SANBR: variants seen among roughly 807,000 people sequenced by gnomAD.
SANBR encodes the protein SANT and BTB domain regulator of CSR.
Under a neutral mutation model 101.8 loss-of-function variants are expected in SANBR, and 77 were observed. The ratio of observed to expected loss-of-function variants is 0.76; its 90% CI spans 0.63 to 0.91. The LOEUF (loss-of-function observed/expected upper bound fraction) is 0.91. SANBR is among the 40% of genes least tolerant of loss of function. The pLI is 0.00. For missense variants in SANBR, 875 were observed against 853.0 expected (o/e 1.03, Z -0.32); for synonymous variants, 279 against 274.7 (o/e 1.02, Z -0.15).
Position 61,088,177 on chromosome 2 carries a change from G to A in SANBR, c.909G>A (p.Lys303=). 2 of 1,603,406 alleles carry A rather than the reference G, an allele frequency of 1.2e-6. No individual in the cohort carries two copies. The highest frequency in any genetic ancestry group is 1.7e-6 in the Non-Finnish European group (2 of 1,176,622). The change falls in exon 9 of 22, where the codon AAG becomes AAA. Residue 303 remains lysine, a synonymous_variant. Transcript: ENST00000402291. The part of the protein sequence containing the change: ...DKFKSKLFCK[K]IERLFDPEYL... ...TTAATAGCAAACTTTTTTGTAAGAAGATTGAAAGACTGTTTGATCCTGAGT... is the reference window on the plus strand; with the variant it reads ...TTAATAGCAAACTTTTTTGTAAGAAAATTGAAAGACTGTTTGATCCTGAGT...
In SANBR at chr2:61,088,215, A is replaced by T; in HGVS notation, c.947A>T (p.Asp316Val). The T allele has an allele frequency of 6.2e-7, 1 of 1,609,992 alleles. No homozygotes were observed. The highest frequency in any genetic ancestry group is 8.5e-7 in the Non-Finnish European group (1 of 1,178,792). Reference protein sequence around the residue: ...RLFDPEYLNPDSRSNAATLYR... With the variant: ...RLFDPEYLNPVSRSNAATLYR... ...TTTGATCCTGAGTACTTGAATCCAG[A>T]TTCTCGGAGTAATGCAGCAACATTG... Residue 316 changes from aspartate (D) to valine (V), a missense_variant, in exon 9 of 22, where the codon GAT (aspartate) becomes GTT (valine). Coordinates refer to ENST00000402291, the MANE Select transcript of SANBR (RefSeq NM_001129993.3).
intron 5 of SANBR, among the ~76,000 whole-genome samples, chr2:61,075,865 T>G (rs1280729441): frequency 1.3e-5 from 2 of 152,080 alleles, no homozygotes; most frequent in African/African-American, 4.8e-5. Flanking sequence ...AATTTTAGTA[T>G]TTAATGATAA....
intron 21 of SANBR, among the ~76,000 whole-genome samples, chr2:61,134,785 T>C (rs900580485): frequency 6.6e-6 from 1 of 151,838 alleles, no homozygotes; most frequent in Non-Finnish European, 1.5e-5. Context: ...TCCCAGCTAC[T>C]TGGGAGGCTG....
At chr2:61,102,688 C>A (rs936987085) in intron 12 of SANBR, among the ~76,000 whole-genome samples, 1 of 151,966 alleles carries the variant, frequency 6.6e-6, no homozygotes, top group Non-Finnish European at 1.5e-5. Context: ...AGGTGCGTGC[C>A]ACCATGCCTG....
chr2:61,078,066 G>T (rs1191603193), intron 6 of SANBR, among the ~76,000 whole-genome samples: 1 of 152,182 alleles, frequency 6.6e-6, no homozygotes, highest in Non-Finnish European at 1.5e-5. Flanking sequence ...TCATATTAAT[G>T]AATGTGATTT....
intron 12 of SANBR, among the ~76,000 whole-genome samples, chr2:61,102,946 T>G (rs907730082): frequency 2.0e-5 from 3 of 152,100 alleles, no homozygotes; most frequent in Non-Finnish European, 2.9e-5. Context: ...TGAGCACTTG[T>G]GTACTGAGAA....
chr2:61,105,459 C>T (rs1368119574), intron 13 of SANBR, among the ~76,000 whole-genome samples: 4 of 151,322 alleles, frequency 2.6e-5, no homozygotes, highest in Admixed American at 1.3e-4. Context: ...CTCTGCCTCC[C>T]GGGTTCACGC....
At chr2:61,133,574 G>GGTTGT (rs1684753973) in intron 20 of SANBR, among the ~76,000 whole-genome samples, 2 of 152,014 alleles carry the variant, frequency 1.3e-5, no homozygotes, top group African/African-American at 2.4e-5. Flanking sequence ...GCAACATACC[G>GGTTGT]AGACCCTATC....
chr2:61,124,768 G>A (rs948572563), downstream of SANBR, among the ~76,000 whole-genome samples: 13 of 151,900 alleles, frequency 8.6e-5, no homozygotes, highest in African/African-American at 3.1e-4. Flanking sequence ...AACATTTAAG[G>A]GTTAAAATAT....
rs1169516898 is a variant in SANBR at position 61,123,921 on chromosome 2, A to G, written c.*1759A>G. ...AGCCTGGCCAACGTGGTGAAACCCTATCTCTACTAAAAATACAAAAAGATT... is the reference window on the plus strand; with the variant it reads ...AGCCTGGCCAACGTGGTGAAACCCTGTCTCTACTAAAAATACAAAAAGATT... On this transcript the variant is annotated 3_prime_UTR_variant, in exon 22 of 22. Coordinates refer to ENST00000402291, the MANE Select transcript of SANBR (RefSeq NM_001129993.3). The G allele has an allele frequency of 4.2e-5, 17 of 403,384 alleles. No individual in the cohort carries two copies. Among genetic ancestry groups the G allele is most frequent in the Non-Finnish European group, 5.0e-5 (15 of 298,242 alleles). The allele number at this position is 403,384 out of a possible 1,614,324, so 25.0% of individuals were successfully genotyped here. A position where few individuals can be genotyped will look rare whatever the true frequency, so the allele number is the denominator to read the frequency against.
intron 12 of SANBR, among the ~76,000 whole-genome samples, chr2:61,102,454 C>T (rs756275053): frequency 6.7e-6 from 1 of 149,824 alleles, no homozygotes; most frequent in African/African-American, 2.5e-5. Context: ...ATGAAAAGGA[C>T]AGCCTCATTT....
At chr2:61,128,217 A>G (rs1176765214), downstream of SANBR, among the ~76,000 whole-genome samples, 1 of 151,066 alleles carries the variant, frequency 6.6e-6, no homozygotes, top group Non-Finnish European at 1.5e-5. Flanking sequence ...GGTTGCAGTG[A>G]GCTGAGATCA....
rs370976515 is a variant in SANBR at position 61,074,827 on chromosome 2, G to A, written c.431+1276G>A. Among the ~76,000 whole-genome samples, 237 of 152,220 alleles carry A rather than the reference G, an allele frequency of 1.6e-3. 2 individuals carry two copies. Among genetic ancestry groups the A allele is most frequent in the African/African-American group, 5.4e-3 (223 of 41,538 alleles). On this transcript the variant is annotated intron_variant, in intron 5 of 21. Transcript: ENST00000402291. ...TAAAAAACTATGGAAACTCTGTTTC[G>A]TTAGTTCAATTATTACCTGTTTATA...
chr2:61,088,037 C>T, intron 8 of SANBR, 122 bp from the exon 9 acceptor site: 1 of 547,548 alleles, frequency 1.8e-6, no homozygotes. Flanking sequence ...GTATTATAAA[C>T]TCCCAAGAGA....
chr2:61,070,225 C>G, intron 2 of SANBR, 117 bp from the exon 3 acceptor site: 2 of 690,092 alleles, frequency 2.9e-6, no homozygotes, highest in Non-Finnish European at 4.5e-6. Context: ...GTCAGTTTTA[C>G]TTTTCCTTTA....
At chr2:61,126,542 C>A (rs13414702), downstream of SANBR, among the ~76,000 whole-genome samples, 29,490 of 152,032 alleles carry the variant, frequency 0.19, 4,150 homozygotes, top group African/African-American at 0.39. Context: ...GTGGCTCACG[C>A]CTGTAATCCC....
intron 10 of SANBR, chr2:61,089,003 G>A: frequency 1.1e-6 from 1 of 916,290 alleles, no homozygotes. Context: ...ACATTAAAAT[G>A]ATAAAAATTA....
intron 15 of SANBR, among the ~76,000 whole-genome samples, chr2:61,108,794 AT>A (rs1451414968): frequency 6.6e-6 from 1 of 152,208 alleles, no homozygotes; most frequent in Non-Finnish European, 1.5e-5. Context: ...TAATGCAGAT[AT>A]GGTTAAATAA....
downstream of SANBR, among the ~76,000 whole-genome samples, chr2:61,128,041 G>A (rs547599219): frequency 2.1e-4 from 32 of 152,132 alleles, no homozygotes; most frequent in Non-Finnish European, 4.4e-4. Context: ...GGGAGGCTGA[G>A]GTGGGCGGAT....
Sources: allele counts gnomAD v4.1 joint callset (sites outside exome capture counted in the v4.1 genomes callset), GRCh38; gene constraint gnomAD v4.1.1; transcripts MANE v1.5; gene names NCBI Gene and HGNC (gene_info 2026-07-23, HGNC 2026-07-21).